RIMS1: variants seen among roughly 807,000 people sequenced by gnomAD.
RIMS1 encodes regulating synaptic membrane exocytosis protein 1.
RIMS1 carries 83 observed loss-of-function variants against 214.1 expected under a neutral mutation model. The observed-to-expected ratio is 0.39, with a 90% confidence interval of 0.32 to 0.47. The LOEUF (loss-of-function observed/expected upper bound fraction) is 0.47. Among genes scored for constraint, RIMS1 ranks in the 20% least tolerant of loss-of-function variants. The probability of loss-of-function intolerance (pLI) is 0.99; values close to 1 mark genes in which losing one functional copy is unlikely to be tolerated. For synonymous variants in RIMS1, 793 were observed against 786.8 expected, an observed-to-expected ratio of 1.01 and a Z score of -0.13; for missense variants, 2,050 against 2,161.8, an observed-to-expected ratio of 0.95 and a Z score of 1.03.
At chr6:72,131,281 A>G (rs939775092) in intron 4 of RIMS1, among the ~76,000 whole-genome samples, 2 of 152,204 alleles carry the variant, frequency 1.3e-5, no homozygotes, top group Non-Finnish European at 2.9e-5. Context: ...AACTGTGACT[A>G]AATTAGCATT....
rs1466486006 is a variant in RIMS1 at position 72,284,669 on chromosome 6, G to T, written c.3554+551G>T. 4.8e-5 allele frequency among the ~76,000 whole-genome samples: 6 copies of T among 125,226 alleles called. No individual in the cohort carries two copies. The Admixed American group carries it at 5.4e-4, about 11-fold the overall frequency. The allele number at this position is 125,226 out of a possible 152,430, so 82.2% of individuals were successfully genotyped here. A position where few individuals can be genotyped will look rare whatever the true frequency, so the allele number is the denominator to read the frequency against. On this transcript the variant is annotated intron_variant, in intron 24 of 33. Transcript: ENST00000521978. ...TCCACAAAGGTTTTAAGTATTTTTAGGTACAACATATTGACACTTTTTTTT... is the reference window on the plus strand; with the variant it reads ...TCCACAAAGGTTTTAAGTATTTTTATGTACAACATATTGACACTTTTTTTT...
chr6:71,945,921 T>G (rs575579266), intron 1 of RIMS1, among the ~76,000 whole-genome samples: 1 of 152,246 alleles, frequency 6.6e-6, no homozygotes, highest in East Asian at 1.9e-4. Context: ...AGCTAATTTT[T>G]GTATTTTTTA....
intron 4 of RIMS1, among the ~76,000 whole-genome samples, chr6:72,130,132 T>C (rs117331706): frequency 0.011 from 1,699 of 152,266 alleles, 10 homozygotes; most frequent in Non-Finnish European, 0.017. Flanking sequence ...TTTATCTTGC[T>C]GGCTATTTTG....
intron 1 of RIMS1, among the ~76,000 whole-genome samples, chr6:71,889,200 T>G (rs1205395654): frequency 6.6e-6 from 1 of 152,204 alleles, no homozygotes; most frequent in Non-Finnish European, 1.5e-5. Flanking sequence ...GTGGCCATCA[T>G]GCCTCTTCAT....
intron 4 of RIMS1, among the ~76,000 whole-genome samples, chr6:72,122,363 C>T (rs1562363954): frequency 2.0e-5 from 3 of 151,374 alleles, no homozygotes; most frequent in South Asian, 2.1e-4. Context: ...TGCCACTGCA[C>T]CTGGCTAATT....
Position 72,246,021 on chromosome 6 carries a change from C to A in RIMS1, c.2128+160C>A, listed in dbSNP as rs535174437. Among the ~76,000 whole-genome samples, 4 of 152,138 alleles carry A rather than the reference C, an allele frequency of 2.6e-5. No homozygotes were observed. The East Asian group carries it at 5.8e-4, about 22-fold the overall frequency. Reference sequence around the variant, plus strand: ...GGCAATGATGGCAATAACTGGAAATCCAAAGAAGTCCTACTTCAGGATTTT... The same window carrying A: ...GGCAATGATGGCAATAACTGGAAATACAAAGAAGTCCTACTTCAGGATTTT... On this transcript the variant is annotated intron_variant, in intron 11 of 33. Coordinates refer to ENST00000521978, the MANE Select transcript of RIMS1 (RefSeq NM_014989.7).
intron 7 of RIMS1, 61 bp downstream of exon 7, chr6:72,233,901 T>G: frequency 9.5e-7 from 1 of 1,048,890 alleles, no homozygotes; most frequent in Non-Finnish European, 1.5e-6. Flanking sequence ...TAATTGTCCT[T>G]TGTCTGATAT....
chr6:72,028,033 C>A (rs187161000), intron 2 of RIMS1, among the ~76,000 whole-genome samples: 143 of 152,150 alleles, frequency 9.4e-4, no homozygotes, highest in African/African-American at 3.3e-3. Flanking sequence ...AAAGCCTAAT[C>A]AAACTGATAT....
intron 2 of RIMS1, among the ~76,000 whole-genome samples, chr6:72,042,227 G>A (rs67474538): frequency 0.081 from 12,243 of 151,816 alleles, 540 homozygotes; most frequent in African/African-American, 0.1. Context: ...AGTAGAAAGA[G>A]GTCTCTGCTG....
chr6:72,113,257 C>T lies in RIMS1; in HGVS notation c.471+13271C>T, dbSNP rs549640976. ...TTTATTTCAAAGCCTTCCATTCATCCGTCTTGGATCATGGATTGACCATTG... is the reference window on the plus strand; with the variant it reads ...TTTATTTCAAAGCCTTCCATTCATCTGTCTTGGATCATGGATTGACCATTG... On this transcript the variant is annotated intron_variant, in intron 4 of 33. Transcript: ENST00000521978. Among the ~76,000 whole-genome samples, 166 of 152,180 alleles carry T rather than the reference C, an allele frequency of 1.1e-3. 1 individual carries two copies. The highest frequency in any genetic ancestry group is 3.7e-3 in the African/African-American group (154 of 41,532).
chr6:72,160,344 C>T (rs1433706836), intron 4 of RIMS1, among the ~76,000 whole-genome samples: 1 of 139,906 alleles, frequency 7.1e-6, no homozygotes, highest in Non-Finnish European at 1.6e-5. Flanking sequence ...GACAATTTGA[C>T]TTCCTCGTTT....
At chr6:72,152,386 C>A (rs987072282) in intron 4 of RIMS1, among the ~76,000 whole-genome samples, 5 of 152,104 alleles carry the variant, frequency 3.3e-5, no homozygotes, top group Non-Finnish European at 7.4e-5. Flanking sequence ...TCTAAGATCA[C>A]AATTGGTTAA....
At chr6:72,165,529 GTCTC>G (rs960212112) in intron 4 of RIMS1, among the ~76,000 whole-genome samples, 1 of 151,876 alleles carries the variant, frequency 6.6e-6, no homozygotes, top group Non-Finnish European at 1.5e-5. Flanking sequence ...ATCTGTGTGT[GTCTC>G]TCTCTTTTCA....
chr6:72,235,531 C>T, intron 7 of RIMS1, 87 bp from the exon 8 acceptor site: 1 of 819,862 alleles, frequency 1.2e-6, no homozygotes, highest in African/African-American at 1.7e-5. Context: ...TCCATGTTAC[C>T]TCTAATGACA....
At chr6:72,310,464 T>G (rs2095455027) in intron 27 of RIMS1, among the ~76,000 whole-genome samples, 1 of 152,012 alleles carries the variant, frequency 6.6e-6, no homozygotes, top group South Asian at 2.1e-4. Flanking sequence ...AATTCATAAT[T>G]AGAGGTGAAT....
chr6:71,889,130 G>A (rs1271468325), intron 1 of RIMS1, among the ~76,000 whole-genome samples: 1 of 152,170 alleles, frequency 6.6e-6, no homozygotes, highest in Non-Finnish European at 1.5e-5. Context: ...GTAGCTAGTG[G>A]AAAATATAGG....
chr6:72,007,454 A>G (rs547207311), intron 2 of RIMS1, among the ~76,000 whole-genome samples: 11 of 152,338 alleles, frequency 7.2e-5, no homozygotes, highest in South Asian at 2.1e-4. Flanking sequence ...CTCACCAACA[A>G]TGGAAGAAAG....
chr6:72,321,243 CATTTGTGTGT>C (rs893332925), intron 28 of RIMS1, among the ~76,000 whole-genome samples: 6 of 151,952 alleles, frequency 3.9e-5, no homozygotes, highest in African/African-American at 1.4e-4. Context: ...ATCAAGGCAG[CATTTGTGTGT>C]ATTCATCTTT....
chr6:72,199,333 A>G lies in RIMS1; in HGVS notation c.1678+16184A>G, dbSNP rs867168683. On this transcript the variant is annotated intron_variant, in intron 6 of 33. Coordinates refer to ENST00000521978, the MANE Select transcript of RIMS1 (RefSeq NM_014989.7). The stretch of plus-strand genomic sequence containing the variant: ...TACAGCCAATTGGGCCATAAACTTA[A>G]CTACATTTTTCTCTGAGTGCCTGAC... Among the ~76,000 whole-genome samples the G allele has an allele frequency of 3.5e-4, 54 of 152,268 alleles. 1 individual carries two copies. The highest frequency in any genetic ancestry group is 1.3e-3 in the African/African-American group (52 of 41,572).
Sources: gnomAD v4.1 joint callset for allele counts (sites outside exome capture counted in the v4.1 genomes callset) on GRCh38, gnomAD v4.1.1 for gene constraint, MANE v1.5 for transcripts, NCBI Gene and HGNC (gene_info 2026-07-23, HGNC 2026-07-21) for gene names.